Variants in CYGB observed in about 807,000 individuals in gnomAD.
The protein encoded by CYGB is histoglobin.
A neutral mutation model predicts 20.7 loss-of-function variants in CYGB; 13 were observed. That is an observed-to-expected ratio of 0.63 (90% CI 0.41 to 1.00). CYGB has a LOEUF of 1.00. Among genes scored for constraint, CYGB ranks in the 50% least tolerant of loss-of-function variants. The pLI, the probability that CYGB is intolerant of heterozygous loss-of-function variation, is 0.00. For missense variants in CYGB, 218 were observed against 257.2 expected (o/e 0.85, Z 1.04); for synonymous variants, 93 against 107.4 (o/e 0.87, Z 0.83).
intron 1 of CYGB, among the ~76,000 whole-genome samples, chr17:76,535,191 T>C (rs1368766085): frequency 6.6e-6 from 1 of 151,984 alleles, no homozygotes; most frequent in African/African-American, 2.4e-5. Context: ...CTTCTCCAGG[T>C]TGGGGGTGTG....
At chr17:76,535,947 A>C (rs1009347588) in intron 1 of CYGB, among the ~76,000 whole-genome samples, 29 of 152,312 alleles carry the variant, frequency 1.9e-4, no homozygotes, top group Admixed American at 3.9e-4. Flanking sequence ...AGACGCATGC[A>C]AGGCCGGTGG....
intron 1 of CYGB, chr17:76,545,086 G>A (rs915292531): frequency 2.2e-6 from 1 of 454,042 alleles, no homozygotes; most frequent in South Asian, 1.6e-5. Flanking sequence ...CCAGGGAGCA[G>A]GCTGGCTTTG....
rs767338118 is a variant in CYGB at position 76,531,763 on chromosome 17, G to GC, written c.144-73_144-72insG. The GC allele has an allele frequency of 4.5e-6, 6 of 1,326,480 alleles. No individual in the cohort carries two copies. Among genetic ancestry groups the GC allele is most frequent in the Middle Eastern group, 3.8e-4 (2 of 5,282 alleles). The allele number at this position is 1,326,480 out of a possible 1,614,324, so 82.2% of individuals were successfully genotyped here. On this transcript the variant is annotated intron_variant, in intron 1 of 3. Transcript: ENST00000293230. The surrounding 1 kb of genome is among the most constrained non-coding windows in gnomAD (Gnocchi z 7.4). ...GGCCCACCCTGAAGCTTCCAGGATA[G>GC]TGGGGGCTGAAGAAGTGGACCGCAG... is the stretch of plus-strand genomic sequence containing the variant.
upstream of CYGB, among the ~76,000 whole-genome samples, chr17:76,538,876 C>T (rs2074954462): frequency 6.6e-6 from 1 of 152,238 alleles, no homozygotes; most frequent in African/African-American, 2.4e-5. Context: ...ACTTGATGTC[C>T]CATTGCCCAA....
rs542264467 is a variant in CYGB at position 76,532,709 on chromosome 17, G to T, written c.144-1018C>A. Among the ~76,000 whole-genome samples, 89 of 151,488 alleles carry T rather than the reference G, an allele frequency of 5.9e-4. No individual in the cohort carries two copies. The South Asian group carries it at 7.5e-3, about 13-fold the overall frequency. On this transcript the variant is annotated intron_variant, in intron 1 of 3. Transcript: ENST00000293230. The stretch of plus-strand genomic sequence containing the variant: ...ACCACGCCCGGCTAGCTAATTTTTT[G>T]TATTTTTAGTAGAGACAGGGTTTCA...
chr17:76,543,230 GC>G (rs1318474681), intron 1 of CYGB: 1 of 378,750 alleles, frequency 2.6e-6, no homozygotes, highest in Admixed American at 3.4e-5. Context: ...GAGCAGACGT[GC>G]TCGCTGCTCT....
intron 1 of CYGB, among the ~76,000 whole-genome samples, chr17:76,535,833 T>C (rs1197276425): frequency 1.3e-5 from 2 of 152,206 alleles, no homozygotes; most frequent in African/African-American, 4.8e-5. Context: ...CGGTGAGCAC[T>C]TCCTCCACGT....
Position 76,533,290 on chromosome 17 carries a change from C to A in CYGB, c.144-1599G>T, listed in dbSNP as rs768433855. Among the ~76,000 whole-genome samples the A allele has an allele frequency of 2.0e-5, 3 of 152,298 alleles. No homozygotes were observed. The highest frequency in any genetic ancestry group is 6.5e-5 in the Admixed American group (1 of 15,304). ...CCCCGCTCACTGCTTCATGGATACA[C>A]GGGTGAGGACACGTGAGGCGACGGG... On this transcript the variant is annotated intron_variant, in intron 1 of 3. Transcript: ENST00000293230. This position sits in a 1 kb window ranked among gnomAD's most constrained non-coding sequence, Gnocchi z 4.5.
upstream of CYGB, among the ~76,000 whole-genome samples, chr17:76,542,346 G>A (rs1009650998): frequency 5.3e-5 from 8 of 152,224 alleles, no homozygotes; most frequent in East Asian, 5.8e-4. Flanking sequence ...ACCACCTGCC[G>A]ATGGTGGCTG....
rs374058686 is a variant in CYGB, at chr17:76,537,500, G to C, written c.43C>G (p.Arg15Gly). 14 of 1,578,744 alleles carry C rather than the reference G, an allele frequency of 8.9e-6. No individual in the cohort carries two copies. Among genetic ancestry groups the C allele is most frequent in the Non-Finnish European group, 1.2e-5 (14 of 1,164,458 alleles). Residue 15 changes from arginine to glycine, a missense_variant, in exon 1 of 4, where the codon CGG becomes GGG. By Grantham distance (125) the Arg-to-Gly change is moderately radical (BLOSUM62 -2). Around this residue, in one of 2 missense-constraint regions of CYGB, gnomAD observed 152 missense variants for 149.9 expected, o/e 1.01. Coordinates refer to ENST00000293230, the MANE Select transcript of CYGB (RefSeq NM_134268.5). The stretch of plus-strand genomic sequence containing the variant: ...TCCGCCTCGGACAGCTCCTCGCTCC[G>C]CTCCCTGCGCTCGATCTCCATCTCG... ...PGEMEIERRE[R>G]SEELSEAERK...
intron 1 of CYGB, chr17:76,550,839 A>C (rs958527245): frequency 1.3e-5 from 2 of 152,058 alleles, no homozygotes; most frequent in Non-Finnish European, 2.9e-5. Context: ...AATAACACGA[A>C]CTCCCATTTA....
In CYGB at chr17:76,536,555, G is replaced by A. The variant is rs73365400; in HGVS notation, c.143+845C>T. Among the ~76,000 whole-genome samples the A allele has an allele frequency of 4.8e-3, 724 of 152,252 alleles. 5 individuals are homozygous for A. Among genetic ancestry groups the A allele is most frequent in the African/African-American group, 0.017 (698 of 41,542 alleles). ...TAGCTAGAGTCAGTGACTAGCTTTC[G>A]AGACTTGGACACATCACCTCTATAA... On this transcript the variant is annotated intron_variant, in intron 1 of 3. Coordinates refer to ENST00000293230, the MANE Select transcript of CYGB (RefSeq NM_134268.5).
intron 1 of CYGB, chr17:76,544,733 G>A (rs778404458): frequency 3.9e-4 from 178 of 456,652 alleles, no homozygotes; most frequent in Non-Finnish European, 1.6e-4. Context: ...TGTGTTCCCC[G>A]ATCCTATCTG....
chr17:76,531,813 T>A lies in CYGB; in HGVS notation c.144-122A>T. On this transcript the variant is annotated intron_variant, in intron 1 of 3. Transcript: ENST00000293230. This position sits in a 1 kb window ranked among gnomAD's most constrained non-coding sequence, Gnocchi z 7.4. ...GTGCTCCCCACCCCCGCACCGTCAC[T>A]GTTTTCACTACCATCAGTAGACCTC... is the stretch of plus-strand genomic sequence containing the variant. 2.6e-6 allele frequency: 2 copies of A among 763,902 alleles called. No homozygotes were observed. The highest frequency in any genetic ancestry group is 4.2e-6 in the Non-Finnish European group (2 of 475,780). The allele number at this position is 763,902 out of a possible 1,614,324, so 47.3% of individuals were successfully genotyped here.
chr17:76,548,309 T>TA (rs2075076371), intron 1 of CYGB, among the ~76,000 whole-genome samples: 1 of 152,158 alleles, frequency 6.6e-6, no homozygotes, highest in Admixed American at 6.5e-5. Flanking sequence ...CATACACAAA[T>TA]ACACACAGTA....
At chr17:76,535,170 C>T (rs1313671509) in intron 1 of CYGB, among the ~76,000 whole-genome samples, 1 of 152,240 alleles carries the variant, frequency 6.6e-6, no homozygotes, top group Non-Finnish European at 1.5e-5. Flanking sequence ...CCACCCCCAC[C>T]AATGTGGCAA....
chr17:76,544,138 A>G lies in CYGB; in HGVS notation c.-53+6724T>C, dbSNP rs543483942. On this transcript the variant is annotated intron_variant, in intron 1 of 3. Transcript: ENST00000589145. ...TTCCGCTTCTGCTCCCAGATCCAGG[A>G]GCAGACCCTGCAGGCAGCTGCTCCT... The G allele has an allele frequency of 2.6e-4, 120 of 454,564 alleles. No homozygotes were observed. The Middle Eastern group carries it at 4.8e-3, about 18-fold the overall frequency. The allele number at this position is 454,564 out of a possible 1,614,324, so 28.2% of individuals were successfully genotyped here.
Position 76,530,573 on chromosome 17 carries a change from A to G in CYGB, c.539+406T>C, listed in dbSNP as rs2074824497. ...GCACTGGTCGGCATGAGATGAAAAA[A>G]CAGCCCCTTGTGATTGGCACCCAGG... On this transcript the variant is annotated intron_variant, in intron 3 of 3. Transcript: ENST00000293230. This position sits in a 1 kb window ranked among gnomAD's most constrained non-coding sequence, Gnocchi z 6.1. Among the ~76,000 whole-genome samples, 1 of 152,070 alleles carries G rather than the reference A, an allele frequency of 6.6e-6. No individual in the cohort carries two copies. The highest frequency in any genetic ancestry group is 1.5e-5 in the Non-Finnish European group (1 of 68,002).
upstream of CYGB, chr17:76,540,394 G>T (rs2074976663): frequency 5.9e-6 from 8 of 1,350,396 alleles, no homozygotes; most frequent in Admixed American, 1.7e-5. The surrounding 1 kb of genome is among the most constrained non-coding windows in gnomAD (Gnocchi z 5.0). Context: ...AGCTTCAAAG[G>T]CTCTAGTTGC....
Sources: allele counts gnomAD v4.1 joint callset (sites outside exome capture counted in the v4.1 genomes callset), GRCh38; gene constraint gnomAD v4.1.1; regional missense constraint gnomAD v4.1.1; non-coding constraint Gnocchi (gnomAD v3.1); transcripts MANE v1.5; gene names NCBI Gene and HGNC (gene_info 2026-07-23, HGNC 2026-07-21).